The following TEX9 variants were observed in gnomAD, a reference collection of about 807,000 sequenced individuals.
TEX9 encodes the protein testis expressed 9.
A neutral mutation model predicts 59.6 loss-of-function variants in TEX9; 74 were observed. The observed-to-expected ratio is 1.24, with a 90% CI of 1.03 to 1.51. The LOEUF (loss-of-function observed/expected upper bound fraction) is 1.51. TEX9 is among the 40% of genes most tolerant of loss of function. The pLI is 0.00. For synonymous variants in TEX9, 186 were observed against 152.2 expected, an observed-to-expected ratio of 1.22 and a Z score of -1.64; for missense variants, 522 against 447.8, an observed-to-expected ratio of 1.17 and a Z score of -1.49.
intron 10 of TEX9, among the ~76,000 whole-genome samples, chr15:56,415,979 T>C (rs1272675914): frequency 6.6e-6 from 1 of 151,828 alleles, no homozygotes; most frequent in African/African-American, 2.4e-5. Flanking sequence ...GGTATTCTTT[T>C]TGTGGCAAGT....
At chr15:56,308,306 C>T (rs560694166) in intron 1 of TEX9, among the ~76,000 whole-genome samples, 2 of 152,236 alleles carry the variant, frequency 1.3e-5, no homozygotes, top group South Asian at 2.1e-4. Flanking sequence ...ATTCAGTTTG[C>T]ATTTGCTGAT....
upstream of TEX9, chr15:56,365,395 A>G: frequency 6.3e-7 from 1 of 1,586,076 alleles, no homozygotes; most frequent in South Asian, 1.2e-5. Flanking sequence ...CGGGATGTGG[A>G]AACTCTCGCG....
At chr15:56,405,301 C>A (rs1160865851) in intron 9 of TEX9, among the ~76,000 whole-genome samples, 1 of 143,858 alleles carries the variant, frequency 7.0e-6, no homozygotes, top group Non-Finnish European at 1.5e-5. Flanking sequence ...AGCAAGACTC[C>A]GTCTCAAAGA....
chr15:56,256,268 A>C (rs2044143005), intron 1 of TEX9, among the ~76,000 whole-genome samples: 1 of 152,092 alleles, frequency 6.6e-6, no homozygotes, highest in Non-Finnish European at 1.5e-5. Flanking sequence ...AAGCTGTACT[A>C]AATAACCCGG....
At chr15:56,384,522 A>T (rs1438046161) in intron 4 of TEX9, among the ~76,000 whole-genome samples, 1 of 152,218 alleles carries the variant, frequency 6.6e-6, no homozygotes, top group East Asian at 1.9e-4. Flanking sequence ...ACCATGTAGA[A>T]AAAAGGATCT....
At chr15:56,247,728 C>T (rs568987499) in intron 1 of TEX9, among the ~76,000 whole-genome samples, 1 of 152,162 alleles carries the variant, frequency 6.6e-6, no homozygotes, top group Non-Finnish European at 1.5e-5. Flanking sequence ...TTGGTACATA[C>T]TGATTAAGTG....
At chr15:56,377,721 T>G (rs1163445089) in intron 3 of TEX9, among the ~76,000 whole-genome samples, 1 of 152,202 alleles carries the variant, frequency 6.6e-6, no homozygotes, top group African/African-American at 2.4e-5. Flanking sequence ...TTGGATGCCC[T>G]TTATTTCTTT....
At position 56,426,638 on chromosome 15, in the gene TEX9, AAC is replaced by A. The variant is rs142167770; in HGVS notation, c.964-952_964-951del. ...ATATATATATATATACACACACACAAACACACACACACACACGTATGTATACA... is the reference window on the plus strand; with the variant it reads ...ATATATATATATATACACACACACAAACACACACACACACGTATGTATACA... On this transcript the variant is annotated intron_variant, in intron 10 of 12. Transcript: ENST00000352903. Among the ~76,000 whole-genome samples, 284 of 78,082 alleles carry A rather than the reference AAC, an allele frequency of 3.6e-3. 5 individuals are homozygous for A. Among genetic ancestry groups the A allele is most frequent in the African/African-American group, 9.9e-3 (240 of 24,272 alleles). The allele number at this position is 78,082 out of a possible 152,430, so 51.2% of individuals were successfully genotyped here.
intron 2 of TEX9, 44 bp downstream of exon 2, chr15:56,365,714 G>C (rs757628366): frequency 1.2e-6 from 2 of 1,611,962 alleles, no homozygotes; most frequent in Non-Finnish European, 1.7e-6. Context: ...TCTTTCATCT[G>C]AATGAGGCTG....
intron 2 of TEX9, 85 bp downstream of exon 2, chr15:56,365,755 G>T: frequency 6.4e-7 from 1 of 1,558,200 alleles, no homozygotes; most frequent in Non-Finnish European, 8.7e-7. Flanking sequence ...GAGACTGGCT[G>T]GATCTTCGGG....
chr15:56,446,456 G>C (rs188538132), downstream of TEX9, among the ~76,000 whole-genome samples: 253 of 152,008 alleles, frequency 1.7e-3, 2 homozygotes, highest in African/African-American at 5.9e-3. Context: ...AAACTGGAAA[G>C]TTTCCTACAT....
intron 1 of TEX9, among the ~76,000 whole-genome samples, chr15:56,275,896 G>A (rs1282195615): frequency 1.3e-5 from 2 of 151,834 alleles, no homozygotes; most frequent in Non-Finnish European, 2.9e-5. Context: ...TTCTAACTGA[G>A]TATAGAACTC....
chr15:56,352,483 C>T (rs2046603660), intron 1 of TEX9, among the ~76,000 whole-genome samples: 1 of 151,856 alleles, frequency 6.6e-6, no homozygotes, highest in Non-Finnish European at 1.5e-5. Context: ...GAACTCCTGA[C>T]CTCAGGCGAT....
intron 9 of TEX9, among the ~76,000 whole-genome samples, chr15:56,404,818 T>G (rs992728174): frequency 2.6e-5 from 4 of 152,300 alleles, no homozygotes; most frequent in Non-Finnish European, 4.4e-5. Flanking sequence ...AAGGGTGAGT[T>G]TATGTCCTTT....
At chr15:56,439,009 A>C (rs967330705) in intron 12 of TEX9, among the ~76,000 whole-genome samples, 2 of 152,108 alleles carry the variant, frequency 1.3e-5, no homozygotes, top group Non-Finnish European at 2.9e-5. Context: ...AGAAAGGAAG[A>C]AACAGCCTGT....
chr15:56,423,061 G>C (rs2050059214), intron 10 of TEX9, among the ~76,000 whole-genome samples: 1 of 152,150 alleles, frequency 6.6e-6, no homozygotes, highest in South Asian at 2.1e-4. Flanking sequence ...GGACAGTTGA[G>C]CTGCTTCCCA....
At chr15:56,248,134 A>G (rs1279915835) in intron 1 of TEX9, among the ~76,000 whole-genome samples, 2 of 152,216 alleles carry the variant, frequency 1.3e-5, no homozygotes, top group African/African-American at 4.8e-5. Flanking sequence ...AGTCTTTAAT[A>G]GCATTAGAGA....
the TEX9 span, among the ~76,000 whole-genome samples, chr15:56,459,829 A>G: frequency 1.3e-5 from 2 of 150,020 alleles, no homozygotes; most frequent in Admixed American, 1.3e-4. Context: ...CATCCCTACT[A>G]AAAATACAGA....
intron 1 of TEX9, among the ~76,000 whole-genome samples, chr15:56,352,451 C>T (rs1333125532): frequency 6.6e-6 from 1 of 151,650 alleles, no homozygotes; most frequent in East Asian, 1.9e-4. Context: ...TGGTGTTTCA[C>T]CATGTTGGCC....
Sources: gnomAD v4.1 joint callset for allele counts (sites outside exome capture counted in the v4.1 genomes callset) on GRCh38, gnomAD v4.1.1 for gene constraint, MANE v1.5 for transcripts, NCBI Gene and HGNC (gene_info 2026-07-23, HGNC 2026-07-21) for gene names.